Variants in SEMA6A observed in about 807,000 individuals in gnomAD.
SEMA6A encodes the protein semaphorin 6A.
SEMA6A carries 25 observed loss-of-function variants against 96.8 expected under a neutral mutation model. That is an observed-to-expected ratio of 0.26 (90% CI 0.19 to 0.36). The LOEUF (loss-of-function observed/expected upper bound fraction) is 0.36, where lower values mean the gene tolerates loss of function less well. SEMA6A is among the 10% of genes least tolerant of loss of function. SEMA6A has a pLI of 1.00. For missense variants in SEMA6A, 1,363 were observed against 1,323.1 expected (o/e 1.03, Z -0.47); for synonymous variants, 612 against 518.0 (o/e 1.18, Z -2.46).
intron 18 of SEMA6A, among the ~76,000 whole-genome samples, chr5:116,462,092 A>G (rs548377137): frequency 7.0e-4 from 107 of 152,318 alleles, no homozygotes; most frequent in African/African-American, 2.4e-3. Flanking sequence ...ATGACTTGAT[A>G]GGAGCCAAAA....
At chr5:116,561,344 T>TTGGGGAA (rs1760812265) in intron 1 of SEMA6A, among the ~76,000 whole-genome samples, 1 of 152,210 alleles carries the variant, frequency 6.6e-6, no homozygotes, top group Admixed American at 6.5e-5. Context: ...GGGGAAACGT[T>TTGGGGAA]ATCTCCTTAC....
intron 18 of SEMA6A, among the ~76,000 whole-genome samples, chr5:116,462,123 G>C (rs1755445221): frequency 6.6e-6 from 1 of 152,110 alleles, no homozygotes. Flanking sequence ...TGTGTTGGGA[G>C]AACCAGGGTG....
At chr5:116,485,561 C>G (rs73254618) in intron 10 of SEMA6A, among the ~76,000 whole-genome samples, 25 of 152,264 alleles carry the variant, frequency 1.6e-4, no homozygotes, top group African/African-American at 5.5e-4. Context: ...GAGCTTGACT[C>G]TCATCCGCTG....
intron 10 of SEMA6A, among the ~76,000 whole-genome samples, chr5:116,485,856 A>C (rs998646579): frequency 6.6e-6 from 1 of 152,208 alleles, no homozygotes; most frequent in Non-Finnish European, 1.5e-5. Flanking sequence ...TCACACAACA[A>C]TACGAGGACT....
chr5:116,472,906 T>C (rs1756237625), intron 17 of SEMA6A, 167 bp downstream of exon 17: 6 of 1,518,190 alleles, frequency 4.0e-6, no homozygotes, highest in Non-Finnish European at 4.4e-6. Flanking sequence ...TTGTAAGACA[T>C]TTCATTATCT....
chr5:116,487,984 C>G lies in SEMA6A; in HGVS notation c.744+124G>C, dbSNP rs751231194. On this transcript the variant is annotated intron_variant, in intron 9 of 18. Coordinates refer to ENST00000343348, the MANE Select transcript of SEMA6A (RefSeq NM_020796.5). ...TGTTCTGAAACAGCAGATAGGGCCT[C>G]CAGACCGCACTCTGTTATTAGATTT... 22 of 580,850 alleles carry G rather than the reference C, an allele frequency of 3.8e-5. No individual in the cohort carries two copies. In the South Asian group the frequency reaches 6.2e-4, roughly 16 times the overall value. 36.0% of individuals were successfully genotyped at this position (580,850 alleles called of 1,614,324 possible).
intron 1 of SEMA6A, among the ~76,000 whole-genome samples, chr5:116,561,527 G>C (rs1051169781): frequency 6.6e-6 from 1 of 152,198 alleles, no homozygotes; most frequent in African/African-American, 2.4e-5. Context: ...GTTAAGACTA[G>C]GTATGGTTGA....
intron 1 of SEMA6A, among the ~76,000 whole-genome samples, chr5:116,552,486 G>A (rs1435986836): frequency 6.6e-6 from 1 of 151,980 alleles, no homozygotes; most frequent in African/African-American, 2.4e-5. Context: ...CACTTTCTGG[G>A]TCAACTGATG....
intron 1 of SEMA6A, among the ~76,000 whole-genome samples, chr5:116,520,211 CT>C (rs1288404699): frequency 4.6e-5 from 7 of 151,426 alleles, no homozygotes; most frequent in Admixed American, 4.6e-4. Context: ...TAAAATGTCA[CT>C]TCCTCAGACA....
intron 1 of SEMA6A, among the ~76,000 whole-genome samples, chr5:116,573,000 C>T (rs1010390510): frequency 6.6e-6 from 1 of 152,224 alleles, no homozygotes; most frequent in Non-Finnish European, 1.5e-5. Context: ...CGTCCACAAG[C>T]CCGGGACCGC....
At chr5:116,484,936 G>A (rs1385856340) in intron 10 of SEMA6A, among the ~76,000 whole-genome samples, 1 of 152,198 alleles carries the variant, frequency 6.6e-6, no homozygotes. Flanking sequence ...GACCCTGTGG[G>A]GGCTTGTGTG....
chr5:116,570,381 G>A (rs1255411895), intron 1 of SEMA6A, among the ~76,000 whole-genome samples: 2 of 152,098 alleles, frequency 1.3e-5, no homozygotes, highest in Admixed American at 6.5e-5. Context: ...CCAGCAGAAC[G>A]CCTCAAGGCA....
chr5:116,542,900 A>G (rs1469374714), intron 1 of SEMA6A, among the ~76,000 whole-genome samples: 1 of 152,198 alleles, frequency 6.6e-6, no homozygotes, highest in Admixed American at 6.5e-5. Flanking sequence ...CTACTTCAGC[A>G]GCACTTGAAC....
intron 18 of SEMA6A, among the ~76,000 whole-genome samples, chr5:116,451,899 CAA>C (rs1491103046): frequency 2.0e-5 from 3 of 151,628 alleles, no homozygotes; most frequent in African/African-American, 4.8e-5. Flanking sequence ...GGGAAAAATC[CAA>C]AAGAGTCGAT....
At chr5:116,556,715 T>C (rs942022365) in intron 1 of SEMA6A, among the ~76,000 whole-genome samples, 1 of 152,170 alleles carries the variant, frequency 6.6e-6, no homozygotes, top group Non-Finnish European at 1.5e-5. Context: ...GTGTTCAGCT[T>C]CATTTTGTGT....
chr5:116,479,639 C>T (rs28308), intron 12 of SEMA6A, among the ~76,000 whole-genome samples: 49,121 of 152,044 alleles, frequency 0.32, 9,299 homozygotes, highest in Non-Finnish European at 0.43. Flanking sequence ...GCTGTCCCTT[C>T]GCTGTTGGCC....
intron 12 of SEMA6A, 147 bp from the exon 13 acceptor site, chr5:116,478,865 G>C: frequency 1.2e-6 from 1 of 810,118 alleles, no homozygotes; most frequent in South Asian, 2.0e-5. Context: ...AAGTGGTTCT[G>C]GCCCTTTATT....
intron 1 of SEMA6A, among the ~76,000 whole-genome samples, chr5:116,547,734 TAAAAA>T (rs34908253): frequency 3.4e-4 from 22 of 65,584 alleles, no homozygotes; most frequent in African/African-American, 1.0e-3. Flanking sequence ...ATCTGATACT[TAAAAA>T]AAAAAAAAAA....
chr5:116,495,678 C>T (rs751104376), intron 5 of SEMA6A, 164 bp from the exon 6 acceptor site: 49 of 558,090 alleles, frequency 8.8e-5, no homozygotes, highest in Non-Finnish European at 1.3e-4. Context: ...AAGATGATGC[C>T]GACATCAACG....
Sources: gnomAD v4.1 joint callset for allele counts (sites outside exome capture counted in the v4.1 genomes callset) on GRCh38, gnomAD v4.1.1 for gene constraint, MANE v1.5 for transcripts, NCBI Gene and HGNC (gene_info 2026-07-23, HGNC 2026-07-21) for gene names.